WWOX: variants seen among roughly 807,000 people sequenced by gnomAD.
WWOX encodes the protein WW domain containing oxidoreductase, also known as WW domain-containing oxidoreductase.
WWOX carries 69 observed loss-of-function variants against 46.2 expected under a neutral mutation model. The ratio of observed to expected loss-of-function variants is 1.49; its 90% CI spans 1.23 to 1.82. The LOEUF (loss-of-function observed/expected upper bound fraction) is 1.82, where lower values mean the gene tolerates loss of function less well. Ranked by LOEUF, WWOX falls within the 40% of genes most tolerant of loss-of-function variation. The pLI is 0.00. For missense variants in WWOX, 919 were observed against 542.6 expected (o/e 1.69, Z -6.89); for synonymous variants, 359 against 202.6 (o/e 1.77, Z -6.56).
chr16:78,941,029 T>A (rs976796900), intron 8 of WWOX, among the ~76,000 whole-genome samples: 9 of 152,212 alleles, frequency 5.9e-5, no homozygotes, highest in Admixed American at 3.3e-4. Flanking sequence ...TCCCTTGTTA[T>A]GACCAGAAAG....
chr16:78,947,705 C>T (rs2045976807), intron 8 of WWOX, among the ~76,000 whole-genome samples: 1 of 152,118 alleles, frequency 6.6e-6, no homozygotes, highest in Non-Finnish European at 1.5e-5. Context: ...CTCACTTAGC[C>T]CCTTCAGAAA....
chr16:78,482,205 C>A (rs1253172812), intron 8 of WWOX, among the ~76,000 whole-genome samples: 3 of 152,096 alleles, frequency 2.0e-5, no homozygotes, highest in African/African-American at 7.2e-5. Context: ...AGGTCACTTG[C>A]TTTTTATCCC....
chr16:78,823,579 G>A (rs113154860), intron 8 of WWOX, among the ~76,000 whole-genome samples: 1 of 152,054 alleles, frequency 6.6e-6, no homozygotes, highest in South Asian at 2.1e-4. Flanking sequence ...TTTAATAAAG[G>A]CTTCATCTGA....
At chr16:78,370,968 G>C (rs1429297821) in intron 5 of WWOX, among the ~76,000 whole-genome samples, 1 of 123,420 alleles carries the variant, frequency 8.1e-6, no homozygotes, top group African/African-American at 2.8e-5. Flanking sequence ...CTCTGAGACT[G>C]TGTTGTGATT....
intron 8 of WWOX, among the ~76,000 whole-genome samples, chr16:78,850,564 C>T (rs569583256): frequency 9.2e-5 from 14 of 152,204 alleles, no homozygotes; most frequent in African/African-American, 3.4e-4. Context: ...GCTGTTTAGT[C>T]CCCTCTCCCC....
chr16:78,945,759 T>C (rs920624745), intron 8 of WWOX, among the ~76,000 whole-genome samples: 1 of 152,158 alleles, frequency 6.6e-6, no homozygotes, highest in African/African-American at 2.4e-5. Context: ...ATTGTTTTTA[T>C]TTAGGGCTCA....
intron 5 of WWOX, among the ~76,000 whole-genome samples, chr16:78,265,746 G>T (rs189124220): frequency 1.3e-5 from 2 of 150,832 alleles, no homozygotes; most frequent in African/African-American, 4.9e-5. Flanking sequence ...GCACAAAGTT[G>T]TATCAGCTTT....
intron 8 of WWOX, among the ~76,000 whole-genome samples, chr16:78,615,947 T>C (rs180999902): frequency 0.011 from 1,737 of 152,224 alleles, 21 homozygotes; most frequent in Non-Finnish European, 0.017. Context: ...AGACAGGGTT[T>C]CACTGTGTTA....
chr16:78,310,289 G>C (rs942657971), intron 5 of WWOX, among the ~76,000 whole-genome samples: 1 of 152,188 alleles, frequency 6.6e-6, no homozygotes, highest in Non-Finnish European at 1.5e-5. Context: ...AGAAACGTGT[G>C]CTTCTGGGCT....
At chr16:78,307,249 C>G (rs1439977562) in intron 5 of WWOX, among the ~76,000 whole-genome samples, 1 of 152,154 alleles carries the variant, frequency 6.6e-6, no homozygotes. Context: ...TGCCAAGTGT[C>G]AAATAAATGT....
At chr16:78,738,244 G>C (rs540291234) in intron 8 of WWOX, among the ~76,000 whole-genome samples, 2 of 152,298 alleles carry the variant, frequency 1.3e-5, no homozygotes, top group East Asian at 3.9e-4. Flanking sequence ...CTGGAGTTGA[G>C]TAGATAATTT....
At chr16:78,492,207 T>C (rs559415941) in intron 8 of WWOX, among the ~76,000 whole-genome samples, 2 of 152,268 alleles carry the variant, frequency 1.3e-5, no homozygotes, top group South Asian at 2.1e-4. Context: ...GTGCACAGTT[T>C]ATGGAGGATG....
intron 8 of WWOX, among the ~76,000 whole-genome samples, chr16:78,648,238 C>T (rs1351477285): frequency 1.3e-5 from 2 of 152,158 alleles, no homozygotes; most frequent in African/African-American, 4.8e-5. Context: ...TATCCCTATA[C>T]AAAGACCCAA....
At chr16:78,624,871 G>A (rs1313340292) in intron 8 of WWOX, among the ~76,000 whole-genome samples, 3 of 152,200 alleles carry the variant, frequency 2.0e-5, no homozygotes, top group Non-Finnish European at 4.4e-5. Context: ...GATTTTGAAT[G>A]CTGGCATGGT....
chr16:78,674,858 A>G (rs1034750510), intron 8 of WWOX, among the ~76,000 whole-genome samples: 1 of 151,152 alleles, frequency 6.6e-6, no homozygotes, highest in Admixed American at 6.6e-5. Flanking sequence ...GAAAGAGCAG[A>G]TCTGGATAAA....
chr16:78,537,639 T>C (rs982897243), intron 8 of WWOX, among the ~76,000 whole-genome samples: 9 of 152,108 alleles, frequency 5.9e-5, no homozygotes, highest in African/African-American at 2.2e-4. Flanking sequence ...AAGAGCTTGG[T>C]TGTGATGTTG....
intron 8 of WWOX, among the ~76,000 whole-genome samples, chr16:78,652,352 C>T (rs1287880088): frequency 1.4e-5 from 2 of 140,516 alleles, no homozygotes; most frequent in African/African-American, 5.5e-5. Context: ...GAGGTTGCAG[C>T]GAGTCAAGGT....
chr16:78,260,400 C>T (rs892534192), intron 5 of WWOX, among the ~76,000 whole-genome samples: 6 of 151,698 alleles, frequency 4.0e-5, no homozygotes, highest in African/African-American at 1.5e-4. Flanking sequence ...ATTACAGGCT[C>T]AGGCCTGTAA....
At chr16:78,353,385 G>A (rs192614260) in intron 5 of WWOX, among the ~76,000 whole-genome samples, 1 of 152,314 alleles carries the variant, frequency 6.6e-6, no homozygotes, top group East Asian at 1.9e-4. Context: ...AGAGTTACCT[G>A]TGAGCCTTCC....
Sources: allele counts gnomAD v4.1 joint callset (sites outside exome capture counted in the v4.1 genomes callset), GRCh38; gene constraint gnomAD v4.1.1; transcripts MANE v1.5; gene names NCBI Gene and HGNC (gene_info 2026-07-23, HGNC 2026-07-21).